Variants in DNAJC19 observed in about 807,000 individuals in gnomAD.
The protein encoded by DNAJC19 is mitochondrial import inner membrane translocase subunit TIM14.
In DNAJC19, 15 loss-of-function variants were observed where a neutral mutation model predicts 19.8. That is an observed-to-expected ratio of 0.76 (90% CI 0.51 to 1.17). The LOEUF (loss-of-function observed/expected upper bound fraction) is 1.17, where lower values mean the gene tolerates loss of function less well. Among genes scored for constraint, DNAJC19 ranks in the 50% most tolerant of loss-of-function variants. DNAJC19 has a pLI of 0.00. For synonymous variants in DNAJC19, 38 were observed against 42.1 expected, an observed-to-expected ratio of 0.90 and a Z score of 0.38; for missense variants, 105 against 140.9, an observed-to-expected ratio of 0.75 and a Z score of 1.29.
rs1805637 is a variant in DNAJC19 at position 180,987,314 on chromosome 3, A to G, written c.130-292T>C. 12,763 of 404,374 alleles carry G rather than the reference A, an allele frequency of 0.032. 251 individuals are homozygous for G. The highest frequency in any genetic ancestry group is 0.042 in the Non-Finnish European group (9,205 of 221,702). The allele number at this position is 404,374 out of a possible 1,614,324, so 25.0% of individuals were successfully genotyped here. On this transcript the variant is annotated intron_variant, in intron 3 of 5. Transcript: ENST00000382564. ...GCCAGGTCTTCCGGGAGTAAAGGAAAGATCATTCCAAATTAGCCATATTCT... is the reference window on the plus strand; with the variant it reads ...GCCAGGTCTTCCGGGAGTAAAGGAAGGATCATTCCAAATTAGCCATATTCT...
intron 4 of DNAJC19, 116 bp from the exon 5 acceptor site, chr3:180,986,112 T>A: frequency 1.2e-6 from 1 of 851,828 alleles, no homozygotes; most frequent in South Asian, 1.4e-5. Flanking sequence ...CACAACAGTA[T>A]GAAAAGCTGT....
intron 4 of DNAJC19, 42 bp from the exon 5 acceptor site, chr3:180,986,038 G>T (rs768773566): frequency 1.2e-5 from 18 of 1,511,532 alleles, no homozygotes; most frequent in South Asian, 1.0e-4. Flanking sequence ...TCCTACTTCT[G>T]CATCACATCA....
chr3:180,984,481 A>T lies in DNAJC19; in HGVS notation c.*159T>A. The T allele has an allele frequency of 3.0e-6, 2 of 659,698 alleles. No individual in the cohort carries two copies. Among genetic ancestry groups the T allele is most frequent in the South Asian group, 1.6e-5 (1 of 64,194 alleles). 40.9% of individuals were successfully genotyped at this position (659,698 alleles called of 1,614,324 possible). On this transcript the variant is annotated 3_prime_UTR_variant, in exon 6 of 6. Coordinates refer to ENST00000382564, the MANE Select transcript of DNAJC19 (RefSeq NM_145261.4). ...AATATTCTAAACTATAATCTGATTTAAAATCCCCAAATTTAAACAAGAAAA... is the reference window on the plus strand; with the variant it reads ...AATATTCTAAACTATAATCTGATTTTAAATCCCCAAATTTAAACAAGAAAA...
chr3:180,984,226 AAT>A lies in DNAJC19; in HGVS notation c.*412_*413del. On this transcript the variant is annotated 3_prime_UTR_variant, in exon 6 of 6. Transcript: ENST00000382564. Reference sequence around the variant, plus strand: ...TGTACCTGGAACAGCCTTTCCACCGAATAAGAAGAGTCCCTACTTAAACAGCT... The same window carrying A: ...TGTACCTGGAACAGCCTTTCCACCGAAAGAAGAGTCCCTACTTAAACAGCT... 4.4e-6 allele frequency: 2 copies of A among 454,138 alleles called. No individual in the cohort carries two copies. The allele number at this position is 454,138 out of a possible 1,614,324, so 28.1% of individuals were successfully genotyped here.
At chr3:180,985,777 ACACC>A in intron 5 of DNAJC19, 145 bp downstream of exon 5, 1 of 689,784 alleles carries the variant, frequency 1.4e-6, no homozygotes, top group Non-Finnish European at 2.5e-6. Context: ...TTCTTTTAAG[ACACC>A]AAAAATATAT....
At chr3:180,988,355 T>A in intron 1 of DNAJC19, 126 bp from the exon 2 acceptor site, 12 of 440,688 alleles carry the variant, frequency 2.7e-5, no homozygotes, top group Non-Finnish European at 4.1e-5. Flanking sequence ...TTTTTTTTCT[T>A]TTTTTTTTTT....
intron 1 of DNAJC19, chr3:180,989,262 T>G: frequency 8.0e-7 from 1 of 1,251,148 alleles, no homozygotes; most frequent in South Asian, 1.8e-5. Flanking sequence ...GCTGTGAAGA[T>G]GTGTTAGGGC....
Position 180,984,870 on chromosome 3 carries a change from T to A in DNAJC19, c.281-160A>T, listed in dbSNP as rs139914001. ...AAATAACCCTGACACTGCAACTGGA[T>A]GACCAAATATATGGTAATATATGTG... On this transcript the variant is annotated intron_variant, in intron 5 of 5. Coordinates refer to ENST00000382564, the MANE Select transcript of DNAJC19 (RefSeq NM_145261.4). Among the ~76,000 whole-genome samples, 789 of 152,248 alleles carry A rather than the reference T, an allele frequency of 5.2e-3. 5 individuals carry two copies. Among genetic ancestry groups the A allele is most frequent in the African/African-American group, 0.018 (755 of 41,538 alleles).
rs1256656930 is a variant in DNAJC19, at chr3:180,989,639, C to T, written c.-37G>A. On this transcript the variant is annotated 5_prime_UTR_variant, in exon 1 of 6. It adds an upstream start codon to the 5' untranslated region. Coordinates refer to ENST00000382564, the MANE Select transcript of DNAJC19 (RefSeq NM_145261.4). ...GGCTCCCTTGCTTCCACCGGGAGCACGGCTCATCCCAGCTCAGAGGCCGCG... is the reference window on the plus strand; with the variant it reads ...GGCTCCCTTGCTTCCACCGGGAGCATGGCTCATCCCAGCTCAGAGGCCGCG... 9 of 1,582,432 alleles carry T rather than the reference C, an allele frequency of 5.7e-6. No individual in the cohort carries two copies. The highest frequency in any genetic ancestry group is 7.7e-6 in the Non-Finnish European group (9 of 1,164,952).
chr3:180,988,662 C>G (rs1409534528), intron 1 of DNAJC19, among the ~76,000 whole-genome samples: 1 of 151,950 alleles, frequency 6.6e-6, no homozygotes, highest in Non-Finnish European at 1.5e-5. Flanking sequence ...CCTTTGAAAA[C>G]TTCTTTCATC....
intron 5 of DNAJC19, 108 bp downstream of exon 5, chr3:180,985,818 C>T (rs1577024213): frequency 4.2e-6 from 4 of 955,700 alleles, no homozygotes; most frequent in Non-Finnish European, 6.6e-6. Context: ...ACAGGACTTA[C>T]AGATTTAAGT....
intron 1 of DNAJC19, among the ~76,000 whole-genome samples, chr3:180,988,991 G>A (rs1414322397): frequency 6.9e-6 from 1 of 144,466 alleles, no homozygotes; most frequent in Non-Finnish European, 1.5e-5. Flanking sequence ...CTAGGCGACC[G>A]AGCAAGACTC....
intron 2 of DNAJC19, 33 bp downstream of exon 2, chr3:180,988,145 G>A (rs771517436): frequency 6.2e-5 from 100 of 1,613,890 alleles, no homozygotes; most frequent in Middle Eastern, 3.3e-4. Flanking sequence ...CAATCTCCCC[G>A]ACTTCACTTC....
At chr3:180,985,869 C>A (rs992684185) in intron 5 of DNAJC19, 57 bp downstream of exon 5, 2 of 1,401,362 alleles carry the variant, frequency 1.4e-6, no homozygotes, top group East Asian at 2.3e-5. Flanking sequence ...TAAAATTATC[C>A]CATTAATAAC....
At chr3:180,984,780 T>G (rs1344206380) in intron 5 of DNAJC19, 70 bp from the exon 6 acceptor site, 3 of 1,165,888 alleles carry the variant, frequency 2.6e-6, no homozygotes, top group Admixed American at 4.2e-5. Flanking sequence ...AAAGCTACTC[T>G]TGTTTCAAGG....
At position 180,984,499 on chromosome 3, in the gene DNAJC19, C is replaced by G. The variant is rs1714790438; in HGVS notation, c.*141G>C. On this transcript the variant is annotated 3_prime_UTR_variant, in exon 6 of 6. Transcript: ENST00000382564. ...CTGATTTAAAATCCCCAAATTTAAA[C>G]AAGAAAATTATACCAAGGCTTTGAG... 1 of 696,678 alleles carries G rather than the reference C, an allele frequency of 1.4e-6. No individual in the cohort carries two copies. The highest frequency in any genetic ancestry group is 2.9e-5 in the East Asian group (1 of 34,362). 43.2% of individuals were successfully genotyped at this position (696,678 alleles called of 1,614,324 possible). A position where few individuals can be genotyped will look rare whatever the true frequency, so the allele number is the denominator to read the frequency against.
intron 3 of DNAJC19, chr3:180,987,310 G>A: frequency 4.9e-6 from 2 of 410,518 alleles, no homozygotes; most frequent in South Asian, 2.8e-5. Flanking sequence ...CGGGAGTAAA[G>A]GAAAGATCAT....
chr3:180,989,803 C>A (rs1320145401), upstream of DNAJC19: 1 of 884,660 alleles, frequency 1.1e-6, no homozygotes, highest in Non-Finnish European at 1.8e-6. Flanking sequence ...GAAGGAAAGT[C>A]GCTCAAGCAG....
chr3:180,988,379 C>T (rs1379123454), intron 1 of DNAJC19, 150 bp from the exon 2 acceptor site: 36 of 884,362 alleles, frequency 4.1e-5, no homozygotes, highest in African/African-American at 2.5e-4. Flanking sequence ...TTTTAAGAGA[C>T]GGAGTCTTGC....
Sources: allele counts gnomAD v4.1 joint callset (sites outside exome capture counted in the v4.1 genomes callset), GRCh38; gene constraint gnomAD v4.1.1; transcripts MANE v1.5; gene names NCBI Gene and HGNC (gene_info 2026-07-23, HGNC 2026-07-21).